The following CNTN5 variants were observed in gnomAD, a reference collection of about 807,000 sequenced individuals.
The protein encoded by CNTN5 is contactin-5.
A neutral mutation model predicts 129.1 loss-of-function variants in CNTN5; 77 were observed. The ratio of observed to expected loss-of-function variants is 0.60; its 90% CI spans 0.50 to 0.72. The LOEUF (loss-of-function observed/expected upper bound fraction) is 0.72, where lower values mean the gene tolerates loss of function less well. CNTN5 is among the 30% of genes least tolerant of loss of function. CNTN5 has a pLI of 0.00. For missense variants in CNTN5, 1,478 were observed against 1,328.8 expected, an observed-to-expected ratio of 1.11 and a Z score of -1.75; for synonymous variants, 509 against 465.6, an observed-to-expected ratio of 1.09 and a Z score of -1.20.
chr11:100,325,162 A>C (rs1951765712), intron 21 of CNTN5, among the ~76,000 whole-genome samples: 2 of 152,152 alleles, frequency 1.3e-5, no homozygotes, highest in Admixed American at 1.3e-4. Flanking sequence ...TAGTAGAAGG[A>C]CATGCCTGAT....
At chr11:100,043,566 C>T (rs1351119164) in intron 9 of CNTN5, among the ~76,000 whole-genome samples, 1 of 152,120 alleles carries the variant, frequency 6.6e-6, no homozygotes, top group Non-Finnish European at 1.5e-5. Flanking sequence ...CTTTCTTATG[C>T]CCATCCTGCA....
chr11:99,111,680 T>C (rs1444187412), intron 1 of CNTN5, among the ~76,000 whole-genome samples: 1 of 151,872 alleles, frequency 6.6e-6, no homozygotes, highest in Non-Finnish European at 1.5e-5. Context: ...AATAAAATGT[T>C]TGCACTGGAG....
At chr11:100,051,866 A>G (rs1324677527) in intron 9 of CNTN5, among the ~76,000 whole-genome samples, 1 of 151,922 alleles carries the variant, frequency 6.6e-6, no homozygotes, top group Admixed American at 6.6e-5. Context: ...CCTTAAAATA[A>G]ATAATTCTTA....
rs559326131 is a variant in CNTN5 at position 99,789,925 on chromosome 11, T to C, written c.56-29619T>C. ...CTAGTTTTTCAACTCTTTCTCTATC[T>C]CCCTGCTTCTCTCCTTTAGTAATCT... On this transcript the variant is annotated intron_variant, in intron 3 of 24. Coordinates refer to ENST00000524871, the MANE Select transcript of CNTN5 (RefSeq NM_014361.4). 1.4e-3 allele frequency among the ~76,000 whole-genome samples: 210 copies of C among 152,168 alleles called. 1 individual carries two copies. The highest frequency in any genetic ancestry group is 4.9e-3 in the African/African-American group (205 of 41,546).
At chr11:99,249,216 C>T (rs1165383117) in intron 1 of CNTN5, among the ~76,000 whole-genome samples, 1 of 152,046 alleles carries the variant, frequency 6.6e-6, no homozygotes, top group Non-Finnish European at 1.5e-5. Context: ...GTATTTTATT[C>T]TCTTTGAAGC....
rs147286951 is a variant in CNTN5, at chr11:99,829,422, A to G, written c.277+9657A>G. Among the ~76,000 whole-genome samples the G allele has an allele frequency of 7.7e-4, 117 of 152,346 alleles. 2 individuals are homozygous for G. The South Asian group carries it at 8.7e-3, about 11-fold the overall frequency. ...CTTTATGTTTGAAAATAATCAAGAA[A>G]GGCACAGTAGTCAGTCACTGATACT... On this transcript the variant is annotated intron_variant, in intron 4 of 24. Transcript: ENST00000524871.
chr11:99,286,786 AC>A (rs67233909), intron 1 of CNTN5, among the ~76,000 whole-genome samples: 43,125 of 151,982 alleles, frequency 0.28, 6,358 homozygotes, highest in Middle Eastern at 0.39. Context: ...AGCATAAAAT[AC>A]AAAAAGAAAC....
chr11:99,621,642 T>C (rs1454875858), intron 3 of CNTN5, among the ~76,000 whole-genome samples: 2 of 152,216 alleles, frequency 1.3e-5, no homozygotes, highest in East Asian at 3.9e-4. Flanking sequence ...AATTTTTGCA[T>C]TGGTAATATT....
chr11:99,975,969 G>T (rs538100932), intron 8 of CNTN5, among the ~76,000 whole-genome samples: 7 of 152,252 alleles, frequency 4.6e-5, no homozygotes, highest in Admixed American at 2.0e-4. Flanking sequence ...CCACCTAGGA[G>T]CCCGTGAAAT....
chr11:99,180,843 T>C lies in CNTN5; in HGVS notation c.-209-144503T>C, dbSNP rs535502095. ...CACCATGGCTTTGCAAGGAGAGTCA[T>C]ATTGTGAGAATTGCCAGTGATATAC... On this transcript the variant is annotated intron_variant, in intron 1 of 24. Coordinates refer to ENST00000524871, the MANE Select transcript of CNTN5 (RefSeq NM_014361.4). Among the ~76,000 whole-genome samples, 4 of 152,304 alleles carry C rather than the reference T, an allele frequency of 2.6e-5. No homozygotes were observed. The East Asian group carries it at 5.8e-4, about 22-fold the overall frequency.
At chr11:100,192,365 T>C (rs1038256551) in intron 14 of CNTN5, among the ~76,000 whole-genome samples, 4 of 152,148 alleles carry the variant, frequency 2.6e-5, no homozygotes, top group Middle Eastern at 3.4e-3. Flanking sequence ...GGCCAGAACT[T>C]AGAATGCCAT....
intron 9 of CNTN5, among the ~76,000 whole-genome samples, chr11:100,005,856 A>G (rs773090805): frequency 9.2e-5 from 14 of 152,140 alleles, no homozygotes; most frequent in Admixed American, 2.6e-4. Flanking sequence ...AAATCTTGCT[A>G]TTTTCAACTT....
chr11:99,596,563 T>C (rs1211864372), intron 3 of CNTN5, among the ~76,000 whole-genome samples: 1 of 152,180 alleles, frequency 6.6e-6, no homozygotes. Context: ...AAGCAAATTA[T>C]CTTAAAGAAA....
chr11:100,131,200 G>T (rs1279534195), intron 13 of CNTN5, among the ~76,000 whole-genome samples: 1 of 152,068 alleles, frequency 6.6e-6, no homozygotes, highest in Non-Finnish European at 1.5e-5. Context: ...AGTGGGTACA[G>T]AATCACTAAT....
At chr11:100,148,503 A>C (rs971611301) in intron 13 of CNTN5, among the ~76,000 whole-genome samples, 1 of 152,040 alleles carries the variant, frequency 6.6e-6, no homozygotes, top group Non-Finnish European at 1.5e-5. Flanking sequence ...ACTGTTCAAA[A>C]TACACTTTGT....
intron 6 of CNTN5, among the ~76,000 whole-genome samples, chr11:99,908,716 T>C (rs1233955504): frequency 6.6e-6 from 1 of 152,134 alleles, no homozygotes; most frequent in Non-Finnish European, 1.5e-5. Context: ...TTGTAACACA[T>C]GAAATACAGG....
rs144973544 is a variant in CNTN5 at position 99,601,532 on chromosome 11, T to C, written c.55+45263T>C. Among the ~76,000 whole-genome samples, 242 of 152,346 alleles carry C rather than the reference T, an allele frequency of 1.6e-3. 2 individuals are homozygous for C. Among genetic ancestry groups the C allele is most frequent in the African/African-American group, 5.6e-3 (232 of 41,570 alleles). On this transcript the variant is annotated intron_variant, in intron 3 of 24. Transcript: ENST00000524871. Reference sequence around the variant, plus strand: ...AGTAAGAAAATAATCTAAATTAACTTGATATTCAAAGTACTCCACAGGGAT... The same window carrying C: ...AGTAAGAAAATAATCTAAATTAACTCGATATTCAAAGTACTCCACAGGGAT...
At chr11:100,322,168 C>T (rs1341011517) in intron 21 of CNTN5, among the ~76,000 whole-genome samples, 2 of 151,670 alleles carry the variant, frequency 1.3e-5, no homozygotes, top group Non-Finnish European at 2.9e-5. Flanking sequence ...TTATTTTTCA[C>T]TCAACACTAT....
chr11:99,296,132 C>T (rs1039851350), intron 1 of CNTN5, among the ~76,000 whole-genome samples: 19 of 152,062 alleles, frequency 1.2e-4, no homozygotes, highest in African/African-American at 4.3e-4. Flanking sequence ...ATAAGAGTCT[C>T]GTGAGAGTAG....
Sources: allele counts gnomAD v4.1 joint callset (sites outside exome capture counted in the v4.1 genomes callset), GRCh38; gene constraint gnomAD v4.1.1; transcripts MANE v1.5; gene names NCBI Gene and HGNC (gene_info 2026-07-23, HGNC 2026-07-21).